M1AP: variants seen among roughly 807,000 people sequenced by gnomAD.
M1AP encodes the protein meiosis 1 arrest protein.
A neutral mutation model predicts 51.2 loss-of-function variants in M1AP; 39 were observed. The observed-to-expected ratio is 0.76, with a 90% confidence interval of 0.59 to 1.00. M1AP has a LOEUF of 1.00. Ranked by LOEUF, M1AP falls within the 50% of genes least tolerant of loss-of-function variation. The pLI is 0.00. For missense variants in M1AP, 545 were observed against 641.2 expected, an observed-to-expected ratio of 0.85 and a Z score of 1.62; for synonymous variants, 251 against 249.2, an observed-to-expected ratio of 1.01 and a Z score of -0.07.
At position 74,640,339 on chromosome 2, in the gene M1AP, G is replaced by A. The variant is rs1683222868; in HGVS notation, c.-52-12C>T. 7 of 1,570,422 alleles carry A rather than the reference G, an allele frequency of 4.5e-6. No individual in the cohort carries two copies. The Middle Eastern group carries it at 5.2e-4, about 117-fold the overall frequency. On this transcript the variant is annotated splice_polypyrimidine_tract_variant and intron_variant, in intron 1 of 10. Transcript: ENST00000421985. ...GATATTCTTTACACCTATAGGGAAG[G>A]AAAGAGAAACCACTGGTTTTCAAAC... is the stretch of plus-strand genomic sequence containing the variant.
intron 2 of M1AP, among the ~76,000 whole-genome samples, chr2:74,633,150 G>T (rs1201720483): frequency 6.6e-6 from 1 of 152,088 alleles, no homozygotes; most frequent in Non-Finnish European, 1.5e-5. Context: ...CTGCATGTGG[G>T]AGGAAAGTGA....
chr2:74,609,105 A>G (rs888343939), intron 3 of M1AP, among the ~76,000 whole-genome samples: 1 of 152,212 alleles, frequency 6.6e-6, no homozygotes, highest in African/African-American at 2.4e-5. Context: ...CTATTTTGAA[A>G]TATACATTAC....
At chr2:74,624,817 T>C (rs1682277267) in intron 2 of M1AP, among the ~76,000 whole-genome samples, 1 of 152,204 alleles carries the variant, frequency 6.6e-6, no homozygotes, top group African/African-American at 2.4e-5. Flanking sequence ...CATTAATGGA[T>C]GAACCGTGAT....
rs996979887 is a variant in M1AP at position 74,568,307 on chromosome 2, G to C, written c.1075-5884C>G. On this transcript the variant is annotated intron_variant, in intron 7 of 10. Transcript: ENST00000421985. Reference sequence around the variant, plus strand: ...GGGTTACAGTGGCCAGAGGCAGACTGGTTCTCCTGCCTAGAACAATCGGAA... The same window carrying C: ...GGGTTACAGTGGCCAGAGGCAGACTCGTTCTCCTGCCTAGAACAATCGGAA... 2.0e-5 allele frequency among the ~76,000 whole-genome samples: 3 copies of C among 152,316 alleles called. No homozygotes were observed. The South Asian group carries it at 6.2e-4, about 32-fold the overall frequency.
chr2:74,609,812 T>A (rs533676200), intron 3 of M1AP, among the ~76,000 whole-genome samples: 1 of 152,226 alleles, frequency 6.6e-6, no homozygotes, highest in African/African-American at 2.4e-5. Context: ...TGATTAGTGA[T>A]GTTGAGCATT....
At chr2:74,561,235 G>GAGGAGGAGGAGGAGA (rs1677980897) in intron 8 of M1AP, among the ~76,000 whole-genome samples, 1 of 126,906 alleles carries the variant, frequency 7.9e-6, no homozygotes, top group Non-Finnish European at 1.6e-5. Context: ...GGAGGAGAAG[G>GAGGAGGAGGAGGAGA]AGGAGGAGGA....
intron 1 of M1AP, among the ~76,000 whole-genome samples, chr2:74,643,056 G>A (rs1314472969): frequency 1.3e-5 from 2 of 151,904 alleles, no homozygotes; most frequent in African/African-American, 2.4e-5. Flanking sequence ...CAACCTTGCT[G>A]CACTCTCTTA....
intron 3 of M1AP, among the ~76,000 whole-genome samples, chr2:74,610,335 T>C (rs187295012): frequency 3.3e-5 from 5 of 152,202 alleles, no homozygotes; most frequent in Non-Finnish European, 5.9e-5. Context: ...TTGTTTCCTT[T>C]GGTGTGCAAA....
intron 5 of M1AP, among the ~76,000 whole-genome samples, chr2:74,578,527 G>A (rs942183237): frequency 6.6e-6 from 1 of 152,056 alleles, no homozygotes; most frequent in Non-Finnish European, 1.5e-5. Context: ...CCCAAACTGT[G>A]GTCTCAGCAG....
At chr2:74,645,085 C>T (rs1249685819) in intron 1 of M1AP, among the ~76,000 whole-genome samples, 1 of 152,138 alleles carries the variant, frequency 6.6e-6, no homozygotes, top group African/African-American at 2.4e-5. Context: ...CTGTAATACT[C>T]ACCGTGAAGG....
At chr2:74,637,030 A>G (rs1683024302) in intron 2 of M1AP, among the ~76,000 whole-genome samples, 1 of 152,050 alleles carries the variant, frequency 6.6e-6, no homozygotes. Flanking sequence ...TTTTAAAAGT[A>G]TTTTTTCTAT....
chr2:74,564,603 A>G (rs531733712), intron 7 of M1AP, among the ~76,000 whole-genome samples: 19 of 152,360 alleles, frequency 1.2e-4, no homozygotes, highest in Admixed American at 6.5e-5. Context: ...TTTTGCTTCT[A>G]TCTAGAGATG....
chr2:74,575,804 A>G (rs1679029737), intron 6 of M1AP, among the ~76,000 whole-genome samples: 1 of 152,258 alleles, frequency 6.6e-6, no homozygotes, highest in Non-Finnish European at 1.5e-5. Flanking sequence ...GGAACTGGGA[A>G]GAGTTGAAGC....
chr2:74,590,879 C>T (rs908877310), intron 4 of M1AP, among the ~76,000 whole-genome samples: 2 of 152,108 alleles, frequency 1.3e-5, no homozygotes, highest in African/African-American at 4.8e-5. Context: ...ACAGCACTAG[C>T]GCAGTGTTTA....
intron 1 of M1AP, chr2:74,647,592 C>T (rs1283404080): frequency 2.6e-5 from 5 of 195,230 alleles, no homozygotes; most frequent in African/African-American, 4.7e-5. Flanking sequence ...TCACTTTAAA[C>T]GAAATGAAAA....
At chr2:74,594,781 GTGGGAGGATCATC>G (rs1200753726) in intron 4 of M1AP, among the ~76,000 whole-genome samples, 1 of 152,054 alleles carries the variant, frequency 6.6e-6, no homozygotes, top group Non-Finnish European at 1.5e-5. Flanking sequence ...GGAGACGAAA[GTGGGAGGATCATC>G]TGAGCCCAGG....
chr2:74,625,517 T>C lies in M1AP; in HGVS notation c.241-10368A>G, dbSNP rs191645988. Among the ~76,000 whole-genome samples, 149 of 152,332 alleles carry C rather than the reference T, an allele frequency of 9.8e-4. 1 individual carries two copies. Among genetic ancestry groups the C allele is most frequent in the African/African-American group, 3.4e-3 (142 of 41,572 alleles). On this transcript the variant is annotated intron_variant, in intron 2 of 10. Coordinates refer to ENST00000421985, the MANE Select transcript of M1AP (RefSeq NM_001321739.2). ...CCATGGTCTGTGTATTAATTATTAA[T>C]TTATTGCCTCTCAACTCCAAATTCA...
intron 1 of M1AP, among the ~76,000 whole-genome samples, chr2:74,641,552 T>C (rs182895646): frequency 1.3e-5 from 2 of 152,322 alleles, no homozygotes; most frequent in African/African-American, 4.8e-5. Flanking sequence ...GGAAATGTAA[T>C]TGGTAATCAA....
chr2:74,617,921 T>C (rs1386176399), intron 2 of M1AP, among the ~76,000 whole-genome samples: 1 of 152,244 alleles, frequency 6.6e-6, no homozygotes, highest in Non-Finnish European at 1.5e-5. Flanking sequence ...TCTGTGCACA[T>C]GTCAACTATG....
Sources: gnomAD v4.1 joint callset for allele counts (sites outside exome capture counted in the v4.1 genomes callset) on GRCh38, gnomAD v4.1.1 for gene constraint, MANE v1.5 for transcripts, NCBI Gene and HGNC (gene_info 2026-07-23, HGNC 2026-07-21) for gene names.